Variants in CWH43 observed in about 807,000 individuals in gnomAD.
CWH43 encodes the protein PGAP2-interacting protein.
In CWH43, 91 loss-of-function variants were observed where a neutral mutation model predicts 85.7. The ratio of observed to expected loss-of-function variants is 1.06; its 90% CI spans 0.90 to 1.26. The LOEUF (loss-of-function observed/expected upper bound fraction) is 1.26. CWH43 is among the 50% of genes most tolerant of loss of function. The pLI, the probability that CWH43 is intolerant of heterozygous loss-of-function variation, is 0.00. For missense variants in CWH43, 869 were observed against 839.2 expected, an observed-to-expected ratio of 1.04 and a Z score of -0.44; for synonymous variants, 323 against 293.6, an observed-to-expected ratio of 1.10 and a Z score of -1.02.
chr4:49,014,970 C>A (rs577386167), intron 8 of CWH43, among the ~76,000 whole-genome samples: 1 of 152,230 alleles, frequency 6.6e-6, no homozygotes, highest in African/African-American at 2.4e-5. Flanking sequence ...TTACATAGAT[C>A]CCTCAGTGCG....
At chr4:49,047,995 G>A (rs1277360761) in intron 14 of CWH43, among the ~76,000 whole-genome samples, 2 of 152,198 alleles carry the variant, frequency 1.3e-5, no homozygotes, top group Admixed American at 1.3e-4. Context: ...AAGTGTTACG[G>A]TAGGAGAGAA....
chr4:49,016,732 CCTT>C (rs1351282789), intron 8 of CWH43: 2 of 776,682 alleles, frequency 2.6e-6, no homozygotes, highest in Non-Finnish European at 4.8e-6. Flanking sequence ...TCGAAAACAA[CCTT>C]CTCAGTGATG....
chr4:49,021,696 C>A (rs1783755486), intron 9 of CWH43, among the ~76,000 whole-genome samples: 1 of 152,052 alleles, frequency 6.6e-6, no homozygotes, highest in African/African-American at 2.4e-5. Context: ...GATATGTTTG[C>A]ATTTGTTTGT....
At chr4:49,045,296 T>C (rs1274102603) in intron 14 of CWH43, among the ~76,000 whole-genome samples, 1 of 152,214 alleles carries the variant, frequency 6.6e-6, no homozygotes, top group African/African-American at 2.4e-5. Context: ...GTGAGCTCTA[T>C]AGGTAAATTG....
intron 15 of CWH43, among the ~76,000 whole-genome samples, chr4:49,052,550 G>C (rs977032640): frequency 1.3e-5 from 2 of 152,108 alleles, no homozygotes; most frequent in Non-Finnish European, 2.9e-5. Context: ...TTCTTAAATG[G>C]AAGCTAAAAA....
chr4:49,029,043 T>G (rs752886037), intron 10 of CWH43, among the ~76,000 whole-genome samples: 1 of 152,154 alleles, frequency 6.6e-6, no homozygotes, highest in Non-Finnish European at 1.5e-5. Flanking sequence ...TAGTAGCTTC[T>G]GTCACCTGGG....
intron 9 of CWH43, among the ~76,000 whole-genome samples, chr4:49,019,206 G>A (rs1278433507): frequency 1.3e-5 from 2 of 152,106 alleles, no homozygotes; most frequent in African/African-American, 2.4e-5. Flanking sequence ...ATAAAGAAAT[G>A]GTCTCCTTTT....
intron 6 of CWH43, among the ~76,000 whole-genome samples, chr4:49,003,070 A>T (rs1482449876): frequency 6.6e-6 from 1 of 152,194 alleles, no homozygotes; most frequent in Non-Finnish European, 1.5e-5. Flanking sequence ...ATTGGGGGAA[A>T]GGTTATGTGA....
chr4:48,987,560 T>G (rs1397558724), intron 1 of CWH43, among the ~76,000 whole-genome samples: 1 of 152,184 alleles, frequency 6.6e-6, no homozygotes, highest in Non-Finnish European at 1.5e-5. Context: ...TTGTTCTTGC[T>G]TAGTTAGTTT....
At chr4:49,060,960 A>G (rs1355649851) in intron 15 of CWH43, among the ~76,000 whole-genome samples, 2 of 152,234 alleles carry the variant, frequency 1.3e-5, no homozygotes, top group African/African-American at 4.8e-5. Context: ...TCATCCAAAT[A>G]GTATATTATG....
intron 8 of CWH43, among the ~76,000 whole-genome samples, chr4:49,013,466 G>A (rs988903649): frequency 3.9e-5 from 6 of 152,200 alleles, no homozygotes; most frequent in Non-Finnish European, 5.9e-5. Flanking sequence ...GTGATGCCAC[G>A]CCCTACTTCA....
chr4:49,054,027 A>T (rs1002877014), intron 15 of CWH43, among the ~76,000 whole-genome samples: 4 of 152,076 alleles, frequency 2.6e-5, no homozygotes, highest in African/African-American at 9.7e-5. Context: ...ATAGAATCCC[A>T]TTTGTCTATT....
rs150226343 is a variant in CWH43, at chr4:49,008,957, G to T, written c.1186+1631G>T. On this transcript the variant is annotated intron_variant, in intron 8 of 15. Transcript: ENST00000226432. ...TGCCTAGGATTGTCCTGGCTATGTG[G>T]GCTCTTTTTTGGTTCTATATGAACT... is the stretch of plus-strand genomic sequence containing the variant. 1.0e-3 allele frequency among the ~76,000 whole-genome samples: 152 copies of T among 152,188 alleles called. 3 individuals are homozygous for T. The East Asian group carries it at 0.028, about 28-fold the overall frequency.
intron 9 of CWH43, among the ~76,000 whole-genome samples, chr4:49,023,621 C>T (rs1267428661): frequency 1.3e-5 from 2 of 152,214 alleles, no homozygotes; most frequent in African/African-American, 4.8e-5. Context: ...AGGTGATCCA[C>T]CTGCCTTGGC....
chr4:49,027,790 T>A, intron 9 of CWH43, among the ~76,000 whole-genome samples: 1 of 152,146 alleles, frequency 6.6e-6, no homozygotes, highest in Non-Finnish European at 1.5e-5. Context: ...TTCTTCTGAT[T>A]TTTTTTGACC....
In CWH43 at chr4:49,053,420, G is replaced by A. The variant is rs963096314; in HGVS notation, c.2021+2571G>A. On this transcript the variant is annotated intron_variant, in intron 15 of 15. Coordinates refer to ENST00000226432, the MANE Select transcript of CWH43 (RefSeq NM_025087.3). ...TTTACATTCCCACAACAGTGAACAAGGGTTCCTTTTGCTGTACATCTCCTG... is the reference window on the plus strand; with the variant it reads ...TTTACATTCCCACAACAGTGAACAAAGGTTCCTTTTGCTGTACATCTCCTG... Among the ~76,000 whole-genome samples, 5 of 152,202 alleles carry A rather than the reference G, an allele frequency of 3.3e-5. 1 individual carries two copies. Among genetic ancestry groups the A allele is most frequent in the Non-Finnish European group, 1.5e-5 (1 of 67,988 alleles).
chr4:49,011,706 G>A (rs908083206), intron 8 of CWH43, among the ~76,000 whole-genome samples: 1 of 152,144 alleles, frequency 6.6e-6, no homozygotes. Flanking sequence ...GCATTTGCTT[G>A]TCTGTAAAGT....
Position 48,992,198 on chromosome 4 carries a change from C to T in CWH43, c.511+108C>T. On this transcript the variant is annotated intron_variant, in intron 4 of 15. Transcript: ENST00000226432. This position sits in a 1 kb window ranked among gnomAD's most constrained non-coding sequence, Gnocchi z 4.3. ...TAAAAGTAGTCTTTCTGCATTATAT[C>T]TATATTTCAGCTTTTTCTTCCTCTG... The T allele has an allele frequency of 1.0e-6, 1 of 977,890 alleles. No homozygotes were observed. Among genetic ancestry groups the T allele is most frequent in the Middle Eastern group, 3.0e-4 (1 of 3,370 alleles). The allele number at this position is 977,890 out of a possible 1,614,324, so 60.6% of individuals were successfully genotyped here.
intron 13 of CWH43, among the ~76,000 whole-genome samples, chr4:49,039,403 A>G (rs867149659): frequency 1.7e-4 from 19 of 114,440 alleles, no homozygotes; most frequent in African/African-American, 5.4e-4. Flanking sequence ...ACACACTGAT[A>G]TATATATATA....
Sources: allele counts gnomAD v4.1 joint callset (sites outside exome capture counted in the v4.1 genomes callset), GRCh38; gene constraint gnomAD v4.1.1; non-coding constraint Gnocchi (gnomAD v3.1); transcripts MANE v1.5; gene names NCBI Gene and HGNC (gene_info 2026-07-23, HGNC 2026-07-21).